The following FGF10 variants were observed in gnomAD, a reference collection of about 807,000 sequenced individuals.
FGF10 encodes FGF-10.
In FGF10, 2 loss-of-function variants were observed where a neutral mutation model predicts 19.8. The ratio of observed to expected loss-of-function variants is 0.10; its 90% confidence interval spans 0.04 to 0.32. The LOEUF (loss-of-function observed/expected upper bound fraction) is 0.32, where lower values mean the gene tolerates loss of function less well. Ranked by LOEUF, FGF10 falls within the 10% of genes least tolerant of loss-of-function variation. The probability of loss-of-function intolerance (pLI) is 1.00; values close to 1 mark genes in which losing one functional copy is unlikely to be tolerated. For missense variants in FGF10, 191 were observed against 246.3 expected (o/e 0.78, Z 1.50); for synonymous variants, 112 against 94.0 (o/e 1.19, Z -1.10).
chr5:44,316,434 A>G (rs1740352480), intron 1 of FGF10, among the ~76,000 whole-genome samples: 1 of 152,178 alleles, frequency 6.6e-6, no homozygotes, highest in South Asian at 2.1e-4. Flanking sequence ...GTGCATCAGA[A>G]TCATCTGGAA....
At chr5:44,324,883 C>T (rs1373954009) in intron 1 of FGF10, among the ~76,000 whole-genome samples, 1 of 152,100 alleles carries the variant, frequency 6.6e-6, no homozygotes, top group Non-Finnish European at 1.5e-5. Flanking sequence ...TCATACTATT[C>T]AATTTCTTTT....
chr5:44,364,075 G>C (rs1741550785), intron 1 of FGF10, among the ~76,000 whole-genome samples: 1 of 151,960 alleles, frequency 6.6e-6, no homozygotes, highest in South Asian at 2.1e-4. Flanking sequence ...CACCAAGGCT[G>C]AGGTGGCTGA....
At chr5:44,306,781 A>G (rs533151590) in intron 2 of FGF10, among the ~76,000 whole-genome samples, 1 of 152,326 alleles carries the variant, frequency 6.6e-6, no homozygotes, top group African/African-American at 2.4e-5. Context: ...ATAAAGTAAT[A>G]TTTAAATATA....
In FGF10 at chr5:44,368,154, C is replaced by T. The variant is rs1741660957; in HGVS notation, c.325+20204G>A. Reference sequence around the variant, plus strand: ...TTACTAATTCAATCAGAGTGCCAGTCACTAATAAGGACATGAGAGGGTAGG... The same window carrying T: ...TTACTAATTCAATCAGAGTGCCAGTTACTAATAAGGACATGAGAGGGTAGG... On this transcript the variant is annotated intron_variant, in intron 1 of 2. Coordinates refer to ENST00000264664, the MANE Select transcript of FGF10 (RefSeq NM_004465.2). Among the ~76,000 whole-genome samples the T allele has an allele frequency of 3.3e-5, 5 of 152,066 alleles. No homozygotes were observed. The South Asian group carries it at 1.0e-3, about 32-fold the overall frequency.
chr5:44,384,084 C>A (rs1008217663), intron 1 of FGF10, among the ~76,000 whole-genome samples: 1 of 152,086 alleles, frequency 6.6e-6, no homozygotes, highest in Admixed American at 6.5e-5. Flanking sequence ...TCTAAGACGT[C>A]GCCCTTTTTA....
At chr5:44,369,173 C>G (rs1741688932) in intron 1 of FGF10, among the ~76,000 whole-genome samples, 1 of 151,982 alleles carries the variant, frequency 6.6e-6, no homozygotes, top group Non-Finnish European at 1.5e-5. Context: ...GACTGTAGTC[C>G]CAGTTCACTC....
At chr5:44,322,732 G>A (rs2111732178) in intron 1 of FGF10, among the ~76,000 whole-genome samples, 1 of 151,818 alleles carries the variant, frequency 6.6e-6, no homozygotes, top group African/African-American at 2.4e-5. Flanking sequence ...AGGGTTTTCT[G>A]CAGTGACAGC....
chr5:44,383,720 T>C (rs1007839287), intron 1 of FGF10, among the ~76,000 whole-genome samples: 2 of 152,104 alleles, frequency 1.3e-5, no homozygotes, highest in Admixed American at 1.3e-4. Context: ...ATGTAAACAT[T>C]AAATACAGTG....
chr5:44,380,488 A>G lies in FGF10; in HGVS notation c.325+7870T>C, dbSNP rs190575641. ...TCTATATTTGTTTCACCTGACATAC[A>G]TATACCTATTTTACATTGTTTCCTG... On this transcript the variant is annotated intron_variant, in intron 1 of 2. Coordinates refer to ENST00000264664, the MANE Select transcript of FGF10 (RefSeq NM_004465.2). Among the ~76,000 whole-genome samples the G allele has an allele frequency of 5.0e-3, 755 of 152,318 alleles. 4 individuals carry two copies. Among genetic ancestry groups the G allele is most frequent in the Non-Finnish European group, 7.1e-3 (482 of 68,036 alleles).
At chr5:44,342,072 T>C (rs1740984215) in intron 1 of FGF10, among the ~76,000 whole-genome samples, 1 of 151,978 alleles carries the variant, frequency 6.6e-6, no homozygotes, top group African/African-American at 2.4e-5. Flanking sequence ...GCAATAACAT[T>C]TGTGAATTTA....
intron 1 of FGF10, among the ~76,000 whole-genome samples, chr5:44,343,672 A>G (rs1382724957): frequency 6.6e-6 from 1 of 151,974 alleles, no homozygotes; most frequent in African/African-American, 2.4e-5. Context: ...TCCCTTTCCA[A>G]CAAATGAAAT....
chr5:44,375,628 G>A (rs1741835749), intron 1 of FGF10, among the ~76,000 whole-genome samples: 1 of 152,200 alleles, frequency 6.6e-6, no homozygotes, highest in African/African-American at 2.4e-5. Context: ...CATGGGATGT[G>A]ATGGAATGTA....
At position 44,307,665 on chromosome 5, in the gene FGF10, C is replaced by G. The variant is rs576067454; in HGVS notation, c.430-2473G>C. ...GGAGGGCTTACGGAATTGATGGATA[C>G]TGTATGAAACAAAAAATGAAGGTAG... On this transcript the variant is annotated intron_variant, in intron 2 of 2. Coordinates refer to ENST00000264664, the MANE Select transcript of FGF10 (RefSeq NM_004465.2). Among the ~76,000 whole-genome samples the G allele has an allele frequency of 4.6e-5, 7 of 152,180 alleles. No homozygotes were observed. The East Asian group carries it at 1.4e-3, about 29-fold the overall frequency.
chr5:44,345,241 A>G (rs1741061251), intron 1 of FGF10, among the ~76,000 whole-genome samples: 1 of 151,872 alleles, frequency 6.6e-6, no homozygotes, highest in African/African-American at 2.4e-5. Context: ...GAAAATAATG[A>G]ATATAGAATG....
intron 1 of FGF10, among the ~76,000 whole-genome samples, chr5:44,340,472 C>T (rs1017694544): frequency 2.0e-5 from 3 of 151,986 alleles, no homozygotes; most frequent in African/African-American, 7.2e-5. Context: ...TTTGAAAGTT[C>T]AATGACATTA....
chr5:44,383,988 A>T (rs1742044367), intron 1 of FGF10, among the ~76,000 whole-genome samples: 1 of 152,102 alleles, frequency 6.6e-6, no homozygotes, highest in Admixed American at 6.5e-5. Flanking sequence ...ATAATCCCAG[A>T]TAATAATCTA....
intron 1 of FGF10, among the ~76,000 whole-genome samples, chr5:44,366,496 C>T (rs1007939103): frequency 3.3e-5 from 5 of 151,920 alleles, no homozygotes; most frequent in Non-Finnish European, 5.9e-5. Context: ...TGGGCTGACG[C>T]TTTAAGGGAC....
chr5:44,357,836 C>T (rs1400107577), intron 1 of FGF10, among the ~76,000 whole-genome samples: 1 of 151,464 alleles, frequency 6.6e-6, no homozygotes, highest in Non-Finnish European at 1.5e-5. Flanking sequence ...AAAAGGCCAT[C>T]AGGACCCTCA....
intron 1 of FGF10, among the ~76,000 whole-genome samples, chr5:44,349,042 C>A (rs939536074): frequency 6.6e-6 from 1 of 151,430 alleles, no homozygotes; most frequent in Non-Finnish European, 1.5e-5. Context: ...ACACAGCAGA[C>A]TTTGCTTAAC....
Sources: allele counts gnomAD v4.1 joint callset (sites outside exome capture counted in the v4.1 genomes callset), GRCh38; gene constraint gnomAD v4.1.1; transcripts MANE v1.5; gene names NCBI Gene and HGNC (gene_info 2026-07-23, HGNC 2026-07-21).